Variants in MAD1L1 observed in about 807,000 individuals in gnomAD.
The protein encoded by MAD1L1 is mitotic arrest deficient 1 like 1, also known as mitotic spindle assembly checkpoint protein MAD1.
A neutral mutation model predicts 96.9 loss-of-function variants in MAD1L1; 95 were observed. That is an observed-to-expected ratio of 0.98 (90% CI 0.83 to 1.16). The LOEUF (loss-of-function observed/expected upper bound fraction) is 1.16. MAD1L1 is among the 50% of genes most tolerant of loss of function. The pLI, the probability that MAD1L1 is intolerant of heterozygous loss-of-function variation, is 0.00. For synonymous variants in MAD1L1, 473 were observed against 396.6 expected (o/e 1.19, Z -2.29); for missense variants, 1,007 against 954.4 (o/e 1.06, Z -0.73).
At chr7:1,854,376 G>C (rs768987782) in intron 18 of MAD1L1, 1 of 473,104 alleles carries the variant, frequency 2.1e-6, no homozygotes, top group Non-Finnish European at 4.2e-6. Context: ...GTGGAAGCCT[G>C]TATTGGTCCA....
intron 11 of MAD1L1, among the ~76,000 whole-genome samples, chr7:2,130,493 C>A (rs1237214903): frequency 1.3e-5 from 2 of 152,188 alleles, no homozygotes; most frequent in Non-Finnish European, 2.9e-5. Flanking sequence ...AGGAGACCAG[C>A]TTCCCACATA....
intron 12 of MAD1L1, among the ~76,000 whole-genome samples, chr7:2,033,006 T>C (rs1783300060): frequency 6.6e-6 from 1 of 152,236 alleles, no homozygotes; most frequent in Admixed American, 6.5e-5. Flanking sequence ...ATCACGTGTC[T>C]ACTGCCTTCT....
chr7:1,999,107 T>C (rs1219768532), intron 14 of MAD1L1, among the ~76,000 whole-genome samples: 1 of 152,144 alleles, frequency 6.6e-6, no homozygotes, highest in Admixed American at 6.5e-5. Context: ...AGGCCTGCCC[T>C]GAGCCATCTC....
At chr7:1,886,221 G>A (rs1287934840) in intron 18 of MAD1L1, among the ~76,000 whole-genome samples, 1 of 152,216 alleles carries the variant, frequency 6.6e-6, no homozygotes, top group African/African-American at 2.4e-5. Context: ...CTTGTCCTCT[G>A]GGGGTAAGTA....
At chr7:2,115,396 G>A (rs1308479615) in intron 11 of MAD1L1, among the ~76,000 whole-genome samples, 1 of 147,226 alleles carries the variant, frequency 6.8e-6, no homozygotes, top group Non-Finnish European at 1.5e-5. Context: ...GGAGGCGGTG[G>A]ACAGGGTCCC....
At chr7:2,104,372 C>T (rs1027590617) in intron 11 of MAD1L1, among the ~76,000 whole-genome samples, 1 of 152,240 alleles carries the variant, frequency 6.6e-6, no homozygotes, top group Non-Finnish European at 1.5e-5. Flanking sequence ...GCCGTCACGG[C>T]GGCGCAATAG....
chr7:1,844,389 G>T (rs772229491), intron 18 of MAD1L1: 12 of 152,492 alleles, frequency 7.9e-5, no homozygotes, highest in Non-Finnish European at 1.6e-4. Context: ...CCTCCAGGCT[G>T]GGGGGAGACC....
chr7:1,859,340 C>T (rs1784408612), intron 18 of MAD1L1, among the ~76,000 whole-genome samples: 1 of 152,238 alleles, frequency 6.6e-6, no homozygotes, highest in Non-Finnish European at 1.5e-5. Flanking sequence ...GTCTCCATAT[C>T]GGCCCTTCCA....
At chr7:2,228,865 C>G (rs561979016) in intron 3 of MAD1L1, among the ~76,000 whole-genome samples, 4 of 151,998 alleles carry the variant, frequency 2.6e-5, no homozygotes, top group Non-Finnish European at 5.9e-5. Flanking sequence ...TCCAGCCTCC[C>G]GAGTAGCTGG....
rs961271549 is a variant in MAD1L1, at chr7:2,088,411, C to G, written c.1074-19073G>C. 6.6e-6 allele frequency among the ~76,000 whole-genome samples: 1 copy of G among 152,186 alleles called. No individual in the cohort carries two copies. Among genetic ancestry groups the G allele is most frequent in the Admixed American group, 6.5e-5 (1 of 15,290 alleles). On this transcript the variant is annotated intron_variant, in intron 11 of 18. Coordinates refer to ENST00000265854, the MANE Select transcript of MAD1L1 (RefSeq NM_001013836.2). This position sits in a 1 kb window ranked among gnomAD's most constrained non-coding sequence, Gnocchi z 4.4. ...TGAGCCACCTATTCCCACCACAGCC[C>G]CCGCCCCGCTCCGTCCCACCATGGC...
intron 10 of MAD1L1, among the ~76,000 whole-genome samples, chr7:2,156,220 C>T (rs1349727430): frequency 8.6e-6 from 1 of 116,102 alleles, no homozygotes; most frequent in African/African-American, 3.5e-5. Flanking sequence ...TTTCACGGCG[C>T]GTGTGGCGAG....
chr7:1,847,619 G>C (rs944567757), intron 18 of MAD1L1: 1 of 470,856 alleles, frequency 2.1e-6, no homozygotes, highest in Non-Finnish European at 4.4e-6. Context: ...CTCAGCCCTG[G>C]GCAGGCCTCG....
chr7:2,120,473 G>A (rs145863045), intron 11 of MAD1L1, among the ~76,000 whole-genome samples: 1,864 of 152,312 alleles, frequency 0.012, 29 homozygotes, highest in African/African-American at 0.042. Flanking sequence ...CAATCTGCAC[G>A]GCTTCCAGAG....
At chr7:2,037,457 GCATGTGCTCCCTA>G (rs1439647339) in intron 12 of MAD1L1, among the ~76,000 whole-genome samples, 96 of 151,970 alleles carry the variant, frequency 6.3e-4, no homozygotes, top group African/African-American at 2.2e-3. Context: ...GTTCCCAACA[GCATGTGCTCCCTA>G]CACGGCTCTG....
At chr7:1,872,548 A>C (rs903706353) in intron 18 of MAD1L1, 1 of 152,278 alleles carries the variant, frequency 6.6e-6, no homozygotes, top group African/African-American at 2.4e-5. Flanking sequence ...GCTGAACGAG[A>C]GGCCTTTCTT....
intron 10 of MAD1L1, among the ~76,000 whole-genome samples, chr7:2,189,353 C>T (rs1489001368): frequency 2.0e-5 from 3 of 152,210 alleles, no homozygotes; most frequent in African/African-American, 4.8e-5. Flanking sequence ...GTGTTCAGAG[C>T]AGCATTATTC....
chr7:1,888,523 C>T (rs4513875), intron 18 of MAD1L1, among the ~76,000 whole-genome samples: 47,063 of 143,522 alleles, frequency 0.33, 8,393 homozygotes, highest in East Asian at 0.48. Flanking sequence ...TGTGTGCATG[C>T]GTGTGTGGTT....
intron 10 of MAD1L1, among the ~76,000 whole-genome samples, chr7:2,161,109 G>GCCCCCCCC (rs1562741689): frequency 9.4e-5 from 1 of 10,676 alleles, no homozygotes; most frequent in African/African-American, 6.6e-4. Context: ...TGGAGCCCCT[G>GCCCCCCCC]CCCCTCCCCC....
chr7:1,842,509 C>G (rs1440162880), intron 18 of MAD1L1, among the ~76,000 whole-genome samples: 1 of 152,270 alleles, frequency 6.6e-6, no homozygotes, highest in Non-Finnish European at 1.5e-5. Context: ...CGGCGCATGC[C>G]TGCCTGAGCT....
Sources: gnomAD v4.1 joint callset for allele counts (sites outside exome capture counted in the v4.1 genomes callset) on GRCh38, gnomAD v4.1.1 for gene constraint, Gnocchi (gnomAD v3.1) non-coding constraint, MANE v1.5 for transcripts, NCBI Gene and HGNC (gene_info 2026-07-23, HGNC 2026-07-21) for gene names.